SOX5: variants seen among roughly 807,000 people sequenced by gnomAD.
SOX5 encodes the protein transcription factor SOX-5.
In SOX5, 9 loss-of-function variants were observed where a neutral mutation model predicts 92.0. The ratio of observed to expected loss-of-function variants is 0.10; its 90% confidence interval spans 0.06 to 0.17. The LOEUF (loss-of-function observed/expected upper bound fraction) is 0.17. Among genes scored for constraint, SOX5 ranks in the 10% least tolerant of loss-of-function variants. The pLI is 1.00. For missense variants in SOX5, 642 were observed against 944.5 expected (o/e 0.68, Z 4.20); for synonymous variants, 344 against 336.3 (o/e 1.02, Z -0.25).
chr12:24,058,796 TATAA>T (rs71059969), intron 4 of SOX5, among the ~76,000 whole-genome samples: 4 of 151,314 alleles, frequency 2.6e-5, no homozygotes, highest in Admixed American at 1.3e-4. Context: ...TTAGTAAGTA[TATAA>T]ATAAATAAAT....
At chr12:23,939,945 A>C (rs1050131868) in intron 1 of SOX5, among the ~76,000 whole-genome samples, 2 of 150,988 alleles carry the variant, frequency 1.3e-5, no homozygotes, top group Non-Finnish European at 3.0e-5. Flanking sequence ...ATCTTAGTTG[A>C]TCTTGCTACT....
At chr12:23,663,990 A>G (rs74073205) in intron 7 of SOX5, among the ~76,000 whole-genome samples, 3,211 of 152,224 alleles carry the variant, frequency 0.021, 111 homozygotes, top group African/African-American at 0.074. Flanking sequence ...AAAGATTTGC[A>G]AAAGCAGTAT....
chr12:24,420,428 C>A (rs763488679), intron 1 of SOX5, among the ~76,000 whole-genome samples: 1 of 152,208 alleles, frequency 6.6e-6, no homozygotes, highest in East Asian at 1.9e-4. Context: ...AAAGATGAGA[C>A]CATTTGAGCC....
At chr12:24,447,529 C>T (rs566128730) in intron 1 of SOX5, among the ~76,000 whole-genome samples, 34 of 151,530 alleles carry the variant, frequency 2.2e-4, no homozygotes, top group Non-Finnish European at 4.0e-4. Flanking sequence ...AATGACACTA[C>T]GGAAAAAAAA....
intron 9 of SOX5, among the ~76,000 whole-genome samples, chr12:23,588,388 T>C (rs1951039878): frequency 6.6e-6 from 1 of 152,026 alleles, no homozygotes; most frequent in Non-Finnish European, 1.5e-5. Context: ...GCATGAGGAA[T>C]TGCAAGATTG....
chr12:24,312,716 T>C (rs1036218538), intron 2 of SOX5, among the ~76,000 whole-genome samples: 1 of 152,192 alleles, frequency 6.6e-6, no homozygotes, highest in Admixed American at 6.5e-5. Flanking sequence ...TTGAAGTAAA[T>C]ATTATTTTAA....
intron 4 of SOX5, among the ~76,000 whole-genome samples, chr12:23,977,529 G>A (rs1949050596): frequency 1.3e-5 from 2 of 152,066 alleles, no homozygotes; most frequent in African/African-American, 2.4e-5. Flanking sequence ...CGGGACCGGT[G>A]GTGCATGCCT....
intron 1 of SOX5, among the ~76,000 whole-genome samples, chr12:24,475,297 C>G (rs753716396): frequency 1.1e-4 from 16 of 152,136 alleles, no homozygotes; most frequent in Non-Finnish European, 2.1e-4. Context: ...ATGAGTATAT[C>G]AAGATTTAGT....
At position 24,217,395 on chromosome 12, in the gene SOX5, C is replaced by T. The variant is rs552906882; in HGVS notation, c.-76-3978G>A. Among the ~76,000 whole-genome samples the T allele has an allele frequency of 1.9e-4, 29 of 152,236 alleles. No individual in the cohort carries two copies. In the South Asian group the frequency reaches 2.3e-3, roughly 12 times the overall value. ...TGACGTAAGAGAATTAGTGTTAGAA[C>T]GTAATACAATCTTCAATAAATTATT... is the stretch of plus-strand genomic sequence containing the variant. On this transcript the variant is annotated intron_variant, in intron 3 of 4. Transcript: ENST00000446891.
chr12:23,991,347 A>C (rs549231921), intron 4 of SOX5, among the ~76,000 whole-genome samples: 2,276 of 151,448 alleles, frequency 0.015, 51 homozygotes, highest in African/African-American at 0.052. Flanking sequence ...ACAACAAAAA[A>C]AATATATATA....
At chr12:23,734,143 T>C (rs1420443040) in intron 6 of SOX5, among the ~76,000 whole-genome samples, 1 of 152,208 alleles carries the variant, frequency 6.6e-6, no homozygotes, top group Non-Finnish European at 1.5e-5. Flanking sequence ...ATGCTCCTTA[T>C]TATTGCAAAT....
intron 1 of SOX5, among the ~76,000 whole-genome samples, chr12:24,382,049 A>C (rs1957878404): frequency 6.6e-6 from 1 of 152,244 alleles, no homozygotes; most frequent in African/African-American, 2.4e-5. Context: ...GAGATAGACC[A>C]GTAAACAAAA....
chr12:23,983,086 T>C (rs1474860005), intron 4 of SOX5, among the ~76,000 whole-genome samples: 2 of 148,850 alleles, frequency 1.3e-5, no homozygotes, highest in East Asian at 3.9e-4. Context: ...GGTTTGGTAG[T>C]CACTGGGATC....
chr12:23,558,847 C>T (rs1478701503), intron 11 of SOX5, among the ~76,000 whole-genome samples: 1 of 152,186 alleles, frequency 6.6e-6, no homozygotes. Context: ...AGGTGATCCG[C>T]CTGCCTCAGC....
intron 1 of SOX5, among the ~76,000 whole-genome samples, chr12:23,919,733 G>A (rs1036092046): frequency 6.6e-6 from 1 of 152,168 alleles, no homozygotes; most frequent in Non-Finnish European, 1.5e-5. Context: ...GGCAGGATTC[G>A]ACCCTGAGCC....
intron 8 of SOX5, among the ~76,000 whole-genome samples, chr12:23,622,316 A>AG (rs2077277575): frequency 2.0e-5 from 1 of 49,872 alleles, no homozygotes; most frequent in Non-Finnish European, 5.5e-5. Context: ...ATAAAAAGAG[A>AG]AAAAAAAAAG....
At chr12:23,946,484 A>G (rs1944611162) in intron 1 of SOX5, among the ~76,000 whole-genome samples, 1 of 152,064 alleles carries the variant, frequency 6.6e-6, no homozygotes, top group Non-Finnish European at 1.5e-5. Flanking sequence ...TTTACTTATC[A>G]TGAACAAACT....
At chr12:23,567,041 A>T (rs1592129895) in intron 10 of SOX5, among the ~76,000 whole-genome samples, 1 of 151,964 alleles carries the variant, frequency 6.6e-6, no homozygotes, top group African/African-American at 2.4e-5. Flanking sequence ...TCCTTTCTTT[A>T]CTCTTTACAC....
Position 23,640,856 on chromosome 12 carries a change from C to A in SOX5, c.973G>T (p.Ala325Ser). 1 of 1,614,006 alleles carries A rather than the reference C, an allele frequency of 6.2e-7. No individual in the cohort carries two copies. Among genetic ancestry groups the A allele is most frequent in the Non-Finnish European group, 8.5e-7 (1 of 1,179,910 alleles). The change falls in exon 8 of 15, where the codon GCT (alanine) becomes TCT (serine). Residue 325 changes from alanine to serine, a missense_variant. By Grantham distance (99) the Ala-to-Ser change is moderately conservative. Transcript: ENST00000451604. ...AAGCCTGGTGTTGCTGCGGCAGCAG[C>A]TGCCATGGTAGTTGGGATCAGCTGA... ...PVQLIPTTMA[A>S]AAAATPGLGP...
Sources: allele counts gnomAD v4.1 joint callset (sites outside exome capture counted in the v4.1 genomes callset), GRCh38; gene constraint gnomAD v4.1.1; transcripts MANE v1.5; gene names NCBI Gene and HGNC (gene_info 2026-07-23, HGNC 2026-07-21).